The following C12orf42 variants were observed in gnomAD, a reference collection of about 807,000 sequenced individuals.
C12orf42 encodes the protein chromosome 12 open reading frame 42.
A neutral mutation model predicts 21.6 loss-of-function variants in C12orf42; 25 were observed. The ratio of observed to expected loss-of-function variants is 1.16; its 90% CI spans 0.84 to 1.62. C12orf42 has a LOEUF of 1.62. C12orf42 is among the 40% of genes most tolerant of loss of function. The probability of loss-of-function intolerance (pLI) is 0.00; values close to 1 mark genes in which losing one functional copy is unlikely to be tolerated. For synonymous variants in C12orf42, 174 were observed against 175.0 expected, an observed-to-expected ratio of 0.99 and a Z score of 0.05; for missense variants, 483 against 459.3, an observed-to-expected ratio of 1.05 and a Z score of -0.47.
the C12orf42 span, among the ~76,000 whole-genome samples, chr12:103,222,662 C>T: frequency 6.6e-6 from 1 of 152,080 alleles, no homozygotes; most frequent in South Asian, 2.1e-4. Flanking sequence ...GGGAAGGCTT[C>T]TGTCCTGGTA....
chr12:103,348,597 A>G (rs750215042), intron 4 of C12orf42, among the ~76,000 whole-genome samples: 7 of 152,162 alleles, frequency 4.6e-5, no homozygotes, highest in Non-Finnish European at 1.0e-4. Context: ...TTTCCATAGC[A>G]AAATAGAGAA....
At position 103,357,361 on chromosome 12, in the gene C12orf42, T is replaced by C. The variant is rs138266248; in HGVS notation, c.259+11526A>G. ...TGAGATGTAGCTTTATAATGTTCCA[T>C]TTTCTGTTCTCTTCATGCCACATGG... On this transcript the variant is annotated intron_variant, in intron 4 of 5. Coordinates refer to ENST00000548883, the MANE Select transcript of C12orf42 (RefSeq NM_198521.5). 2.5e-3 allele frequency among the ~76,000 whole-genome samples: 376 copies of C among 152,044 alleles called. 7 individuals are homozygous for C. The East Asian group carries it at 0.036, about 15-fold the overall frequency.
chr12:103,169,281 A>G, the C12orf42 span, among the ~76,000 whole-genome samples: 1 of 152,210 alleles, frequency 6.6e-6, no homozygotes, highest in South Asian at 2.1e-4. Context: ...TCTGTGCCCT[A>G]TGTAAATCAG....
chr12:103,442,948 A>G (rs1296227833), intron 2 of C12orf42, among the ~76,000 whole-genome samples: 4 of 152,174 alleles, frequency 2.6e-5, no homozygotes, highest in Non-Finnish European at 4.4e-5. Flanking sequence ...TTTGCCCTAC[A>G]TTCTGAGAAC....
At chr12:103,546,535 C>A in the C12orf42 span, among the ~76,000 whole-genome samples, 1 of 151,668 alleles carries the variant, frequency 6.6e-6, no homozygotes, top group African/African-American at 2.4e-5. Context: ...TTAAAAGATA[C>A]AAGAAAATGG....
chr12:103,195,549 G>GTTAA, the C12orf42 span, among the ~76,000 whole-genome samples: 2 of 152,012 alleles, frequency 1.3e-5, no homozygotes, highest in Admixed American at 6.6e-5. Flanking sequence ...GATTATTGAT[G>GTTAA]TTAAGCATGT....
intron 3 of C12orf42, among the ~76,000 whole-genome samples, chr12:103,370,548 C>T (rs2045105455): frequency 6.6e-6 from 1 of 151,972 alleles, no homozygotes; most frequent in Non-Finnish European, 1.5e-5. Context: ...ACTATGCAGC[C>T]ATAAAAAAGA....
chr12:103,182,917 G>A, the C12orf42 span, among the ~76,000 whole-genome samples: 7 of 152,242 alleles, frequency 4.6e-5, no homozygotes, highest in African/African-American at 1.7e-4. Flanking sequence ...TGTGCATTTA[G>A]TTCTATTTAA....
the C12orf42 span, among the ~76,000 whole-genome samples, chr12:103,517,326 T>C: frequency 6.6e-6 from 1 of 152,144 alleles, no homozygotes; most frequent in Non-Finnish European, 1.5e-5. Context: ...CATATCCACA[T>C]TGTCCCTTCC....
the C12orf42 span, among the ~76,000 whole-genome samples, chr12:103,075,386 G>A: frequency 6.6e-6 from 1 of 152,080 alleles, no homozygotes; most frequent in South Asian, 2.1e-4. Flanking sequence ...ATCAAGAGTT[G>A]GTTCCAAAAG....
At chr12:103,074,008 C>T in the C12orf42 span, among the ~76,000 whole-genome samples, 686 of 152,248 alleles carry the variant, frequency 4.5e-3, 2 homozygotes, top group African/African-American at 0.013. Context: ...TATAACCTCT[C>T]CCTACAGCAC....
chr12:103,049,744 C>T, the C12orf42 span, among the ~76,000 whole-genome samples: 4 of 152,158 alleles, frequency 2.6e-5, no homozygotes, highest in Non-Finnish European at 4.4e-5. Flanking sequence ...TCACTTCTAC[C>T]TCATTGCCTT....
the C12orf42 span, among the ~76,000 whole-genome samples, chr12:103,181,843 G>A: frequency 1.3e-4 from 20 of 152,322 alleles, no homozygotes; most frequent in East Asian, 3.9e-3. Flanking sequence ...CACAGGTAGG[G>A]AGAAAAGCTA....
the C12orf42 span, among the ~76,000 whole-genome samples, chr12:103,232,417 T>A: frequency 5.2e-3 from 792 of 152,192 alleles, 10 homozygotes; most frequent in African/African-American, 0.018. Flanking sequence ...TGTTATTTTT[T>A]AAAAGTTTTG....
chr12:103,455,345 T>C (rs536007150), intron 2 of C12orf42, among the ~76,000 whole-genome samples: 3 of 152,278 alleles, frequency 2.0e-5, no homozygotes, highest in Non-Finnish European at 4.4e-5. Flanking sequence ...ATTCCAGTTC[T>C]GGAGTGATGC....
chr12:103,213,774 GT>G, the C12orf42 span, among the ~76,000 whole-genome samples: 11 of 152,192 alleles, frequency 7.2e-5, no homozygotes, highest in African/African-American at 2.7e-4. Context: ...CAGTTCTACT[GT>G]TTCATTTTTG....
intron 4 of C12orf42, among the ~76,000 whole-genome samples, chr12:103,341,398 A>G (rs1307002434): frequency 6.6e-6 from 1 of 152,142 alleles, no homozygotes; most frequent in East Asian, 1.9e-4. Flanking sequence ...AATATCAAGA[A>G]GTCCAATACA....
At chr12:103,260,097 GA>G (rs774965593) in intron 10 of C12orf42, among the ~76,000 whole-genome samples, 55 of 150,752 alleles carry the variant, frequency 3.6e-4, no homozygotes, top group East Asian at 2.1e-3. Flanking sequence ...TAAAATAGAA[GA>G]AAAAAAAATT....
At chr12:103,501,800 A>G in the C12orf42 span, among the ~76,000 whole-genome samples, 1 of 152,200 alleles carries the variant, frequency 6.6e-6, no homozygotes, top group Non-Finnish European at 1.5e-5. Context: ...CAAAGACCAC[A>G]TACTGGAAGT....
Sources: gnomAD v4.1 joint callset for allele counts (sites outside exome capture counted in the v4.1 genomes callset) on GRCh38, gnomAD v4.1.1 for gene constraint, MANE v1.5 for transcripts, NCBI Gene and HGNC (gene_info 2026-07-23, HGNC 2026-07-21) for gene names.